The following FKBP15 variants were observed in gnomAD, a reference collection of about 807,000 sequenced individuals.
The protein encoded by FKBP15 is FKBP prolyl isomerase family member 15.
Under a neutral mutation model 158.1 loss-of-function variants are expected in FKBP15, and 106 were observed. That is an observed-to-expected ratio of 0.67 (90% CI 0.57 to 0.79). The LOEUF is 0.79. Ranked by LOEUF, FKBP15 falls within the 30% of genes least tolerant of loss-of-function variation. FKBP15 has a pLI of 0.00. For synonymous variants in FKBP15, 547 were observed against 548.6 expected (o/e 1.00, Z 0.04); for missense variants, 1,287 against 1,479.1 (o/e 0.87, Z 2.13).
At chr9:113,202,887 A>T in intron 5 of FKBP15, 74 bp downstream of exon 5, 3 of 1,189,836 alleles carry the variant, frequency 2.5e-6, no homozygotes, top group Non-Finnish European at 2.4e-6. Flanking sequence ...AATTTCTATT[A>T]GGTACAATCA....
chr9:113,216,648 C>T (rs1831140934), intron 1 of FKBP15, among the ~76,000 whole-genome samples: 1 of 152,174 alleles, frequency 6.6e-6, no homozygotes, highest in African/African-American at 2.4e-5. Context: ...ATGTACAAAG[C>T]TTAGCACCTA....
chr9:113,180,486 G>C (rs1327801064), intron 19 of FKBP15, among the ~76,000 whole-genome samples: 1 of 92,068 alleles, frequency 1.1e-5, no homozygotes, highest in African/African-American at 3.6e-5. Flanking sequence ...AAGTGAGAAG[G>C]GAAAACACAA....
chr9:113,163,583 C>CTAT lies in FKBP15; in HGVS notation c.*2492_*2494dup, dbSNP rs1564141230. ...GATGGATGGCAGAAACTGCTGAGAC[C>CTAT]TATTTCCCTTTCTTGGGGAGAGAAT... On this transcript the variant is annotated 3_prime_UTR_variant, in exon 28 of 28. Coordinates refer to ENST00000238256, the MANE Select transcript of FKBP15 (RefSeq NM_015258.2). The CTAT allele has an allele frequency of 2.0e-5, 3 of 152,518 alleles. No homozygotes were observed. The allele number at this position is 152,518 out of a possible 1,614,324, so 9.4% of individuals were successfully genotyped here.
chr9:113,220,108 A>G (rs1377075363), intron 1 of FKBP15, among the ~76,000 whole-genome samples: 1 of 152,204 alleles, frequency 6.6e-6, no homozygotes, highest in Non-Finnish European at 1.5e-5. Context: ...GGCAGAACTG[A>G]GTATTTGTGG....
intron 10 of FKBP15, 136 bp downstream of exon 10, chr9:113,193,891 T>C: frequency 9.6e-7 from 1 of 1,036,606 alleles, no homozygotes; most frequent in Non-Finnish European, 1.3e-6. Context: ...TGCAAGTATC[T>C]TCCCCATTTC....
intron 17 of FKBP15, 30 bp from the exon 18 acceptor site, chr9:113,183,875 A>G (rs757635465): frequency 6.5e-7 from 1 of 1,547,772 alleles, no homozygotes; most frequent in South Asian, 1.1e-5. Context: ...TGTACAATTT[A>G]AGTGTCTTGG....
intron 1 of FKBP15, among the ~76,000 whole-genome samples, chr9:113,215,347 A>G (rs1192620141): frequency 6.6e-6 from 1 of 150,894 alleles, no homozygotes; most frequent in Non-Finnish European, 1.5e-5. Context: ...TGAGTCATGG[A>G]GTATAGGTAG....
chr9:113,193,642 G>T, intron 10 of FKBP15, 93 bp from the exon 11 acceptor site: 1 of 1,043,584 alleles, frequency 9.6e-7, no homozygotes, highest in Non-Finnish European at 1.5e-6. Context: ...TTTTTTAAAT[G>T]TGTGCCAATT....
intron 27 of FKBP15, among the ~76,000 whole-genome samples, chr9:113,166,743 A>G (rs1830105206): frequency 6.6e-6 from 1 of 152,120 alleles, no homozygotes. Context: ...CCTGACTGGC[A>G]CCACCCTCGC....
Position 113,166,175 on chromosome 9 carries a change from C to A in FKBP15, c.3583-20G>T. ...CATGCTCTGATAAAACAGGAAAGAG[C>A]AGTCAGTCCTCACTTGTGCCTGCAC... is the stretch of plus-strand genomic sequence containing the variant. On this transcript the variant is annotated intron_variant, in intron 27 of 27. Transcript: ENST00000238256. 1.9e-6 allele frequency: 3 copies of A among 1,603,400 alleles called. No homozygotes were observed. Among genetic ancestry groups the A allele is most frequent in the Non-Finnish European group, 2.6e-6 (3 of 1,173,856 alleles).
intron 2 of FKBP15, 82 bp from the exon 3 acceptor site, chr9:113,207,378 C>T (rs1830910819): frequency 1.0e-6 from 1 of 1,003,584 alleles, no homozygotes; most frequent in African/African-American, 2.3e-5. Context: ...TTCACTTTGT[C>T]ACCCAGGCTG....
In FKBP15 at chr9:113,184,989, A is replaced by G. The variant is rs1037295289; in HGVS notation, c.1499-185T>C. Among the ~76,000 whole-genome samples the G allele has an allele frequency of 7.9e-5, 12 of 152,242 alleles. No individual in the cohort carries two copies. The highest frequency in any genetic ancestry group is 2.7e-4 in the African/African-American group (11 of 41,462). On this transcript the variant is annotated intron_variant, in intron 15 of 27. Transcript: ENST00000238256. The surrounding 1 kb of genome is among the most constrained non-coding windows in gnomAD (Gnocchi z 4.5). ...GAGAGTAGAGGCAAAAGGGCTTCAA[A>G]GTAAACAATAACTAAGCCGTGTTCC...
chr9:113,167,023 C>T (rs1440478035), intron 27 of FKBP15, among the ~76,000 whole-genome samples: 5 of 152,216 alleles, frequency 3.3e-5, no homozygotes, highest in Non-Finnish European at 5.9e-5. Context: ...AGTCTCTGGG[C>T]TAATCCCACG....
At chr9:113,180,218 G>C (rs12350438) in intron 19 of FKBP15, among the ~76,000 whole-genome samples, 7,259 of 152,226 alleles carry the variant, frequency 0.048, 207 homozygotes, top group South Asian at 0.076. Context: ...AGCTAGAAAG[G>C]CCTCTCAGAA....
Position 113,167,012 on chromosome 9 carries a change from AAGTC to A in FKBP15, c.3583-861_3583-858del, listed in dbSNP as rs1001390283. ...AGGGAAGGCAGCGTGATGTGTATAC[AAGTC>A]TCTGGGCTAATCCCACGTCACTACC... On this transcript the variant is annotated intron_variant, in intron 27 of 27. Transcript: ENST00000238256. Among the ~76,000 whole-genome samples, 144 of 152,344 alleles carry A rather than the reference AAGTC, an allele frequency of 9.5e-4. 1 individual carries two copies. Among genetic ancestry groups the A allele is most frequent in the African/African-American group, 3.2e-3 (132 of 41,582 alleles).
chr9:113,193,893 C>T, intron 10 of FKBP15, 134 bp downstream of exon 10: 1 of 1,054,118 alleles, frequency 9.5e-7, no homozygotes. Flanking sequence ...CAAGTATCTT[C>T]CCCATTTCCC....
intron 12 of FKBP15, 149 bp from the exon 13 acceptor site, chr9:113,188,640 T>G: frequency 1.6e-6 from 1 of 616,614 alleles, no homozygotes; most frequent in Non-Finnish European, 2.8e-6. Context: ...GAGTTGAGGG[T>G]GTGGGTTGTG....
At position 113,164,226 on chromosome 9, in the gene FKBP15, G is replaced by A. The variant is rs1253870002; in HGVS notation, c.*1852C>T. 1 of 152,242 alleles carries A rather than the reference G, an allele frequency of 6.6e-6. No homozygotes were observed. Among genetic ancestry groups the A allele is most frequent in the Non-Finnish European group, 1.5e-5 (1 of 68,036 alleles). 9.4% of individuals were successfully genotyped at this position (152,242 alleles called of 1,614,324 possible). A position where few individuals can be genotyped will look rare whatever the true frequency, so the allele number is the denominator to read the frequency against. ...GGGGCTGAGTGGGGCTAATAGAACT[G>A]GTAGTACTCTTTATAAGCCTGTCTG... On this transcript the variant is annotated 3_prime_UTR_variant, in exon 28 of 28. Coordinates refer to ENST00000238256, the MANE Select transcript of FKBP15 (RefSeq NM_015258.2).
chr9:113,184,217 T>G lies in FKBP15; in HGVS notation c.1716+75A>C. The G allele has an allele frequency of 9.9e-7, 1 of 1,014,918 alleles. No homozygotes were observed. Among genetic ancestry groups the G allele is most frequent in the Admixed American group, 2.2e-5 (1 of 45,284 alleles). 62.9% of individuals were successfully genotyped at this position (1,014,918 alleles called of 1,614,324 possible). A position where few individuals can be genotyped will look rare whatever the true frequency, so the allele number is the denominator to read the frequency against. Reference sequence around the variant, plus strand: ...CAGGCTATTTCTGGGGTGGAGGTGTTAAAGAGTAGTACCTCTGAGAAGAGA... The same window carrying G: ...CAGGCTATTTCTGGGGTGGAGGTGTGAAAGAGTAGTACCTCTGAGAAGAGA... On this transcript the variant is annotated intron_variant, in intron 17 of 27. Transcript: ENST00000238256. This position sits in a 1 kb window ranked among gnomAD's most constrained non-coding sequence, Gnocchi z 4.5.
Sources: allele counts gnomAD v4.1 joint callset (sites outside exome capture counted in the v4.1 genomes callset), GRCh38; gene constraint gnomAD v4.1.1; non-coding constraint Gnocchi (gnomAD v3.1); transcripts MANE v1.5; gene names NCBI Gene and HGNC (gene_info 2026-07-23, HGNC 2026-07-21).